Variants in LRP12 observed in about 807,000 individuals in gnomAD.
LRP12 encodes low-density lipoprotein receptor-related protein 12.
LRP12 carries 14 observed loss-of-function variants against 66.0 expected under a neutral mutation model. The observed-to-expected ratio is 0.21, with a 90% CI of 0.14 to 0.33. LRP12 has a LOEUF of 0.33. Among genes scored for constraint, LRP12 ranks in the 10% least tolerant of loss-of-function variants. The probability of loss-of-function intolerance (pLI) is 1.00; values close to 1 mark genes in which losing one functional copy is unlikely to be tolerated. For missense variants in LRP12, 889 were observed against 1,053.4 expected (o/e 0.84, Z 2.16); for synonymous variants, 357 against 359.1 (o/e 0.99, Z 0.07).
intron 1 of LRP12, among the ~76,000 whole-genome samples, chr8:104,564,444 T>C (rs1811962596): frequency 6.6e-6 from 1 of 152,084 alleles, no homozygotes; most frequent in Non-Finnish European, 1.5e-5. Flanking sequence ...GAATCGCGCA[T>C]TATGTACAAA....
chr8:104,571,994 T>G (rs922719999), intron 1 of LRP12, among the ~76,000 whole-genome samples: 2 of 152,234 alleles, frequency 1.3e-5, no homozygotes, highest in African/African-American at 4.8e-5. Context: ...AGAAGTTTTA[T>G]TTATAATAGC....
At chr8:104,523,003 A>G (rs940066674) in intron 2 of LRP12, among the ~76,000 whole-genome samples, 1 of 152,180 alleles carries the variant, frequency 6.6e-6, no homozygotes, top group African/African-American at 2.4e-5. Context: ...CAATCTGTCA[A>G]AAAGTTTCTA....
intron 2 of LRP12, among the ~76,000 whole-genome samples, chr8:104,523,915 TTAA>T (rs1014836313): frequency 6.6e-6 from 1 of 152,164 alleles, no homozygotes; most frequent in Non-Finnish European, 1.5e-5. Context: ...TATGATTTTC[TTAA>T]TAACATTTTC....
At chr8:104,496,817 C>T (rs992638919) in intron 5 of LRP12, among the ~76,000 whole-genome samples, 155 bp downstream of exon 5, 1 of 152,144 alleles carries the variant, frequency 6.6e-6, no homozygotes, top group African/African-American at 2.4e-5. Flanking sequence ...TTCTGAGTCT[C>T]GGGTTTTTCA....
chr8:104,547,567 A>C (rs906633880), intron 1 of LRP12, among the ~76,000 whole-genome samples: 4 of 124,474 alleles, frequency 3.2e-5, no homozygotes, highest in Non-Finnish European at 6.3e-5. Context: ...TTATATATTA[A>C]TAATTATTAT....
rs1266038251 is a variant in LRP12 at position 104,511,520 on chromosome 8, TTTTTTG to T, written c.137-2452_137-2447del. Among the ~76,000 whole-genome samples the T allele has an allele frequency of 4.6e-5, 7 of 152,272 alleles. No homozygotes were observed. The East Asian group carries it at 5.8e-4, about 13-fold the overall frequency. On this transcript the variant is annotated intron_variant, in intron 2 of 6. Transcript: ENST00000276654. ...AGCATGCCACCATGCATGGCAACTT[TTTTTTG>T]TTTTTGTTTTTGTTTTCCGTAACAG...
chr8:104,515,219 T>C (rs1811058576), intron 2 of LRP12, among the ~76,000 whole-genome samples: 1 of 152,232 alleles, frequency 6.6e-6, no homozygotes, highest in African/African-American at 2.4e-5. Flanking sequence ...AACTTGACCT[T>C]CTTTTGCTTA....
chr8:104,588,687 C>T (rs1588515574), intron 1 of LRP12, 132 bp downstream of exon 1: 1 of 650,848 alleles, frequency 1.5e-6, no homozygotes, highest in African/African-American at 1.9e-5. Context: ...TCCACCCCCT[C>T]ACCGGTCTTT....
chr8:104,511,350 T>G (rs1250033933), intron 2 of LRP12, among the ~76,000 whole-genome samples: 1 of 151,812 alleles, frequency 6.6e-6, no homozygotes, highest in Non-Finnish European at 1.5e-5. Flanking sequence ...CATTTTTTTT[T>G]TTTTAAGAGA....
At chr8:104,566,867 A>G (rs1225073571) in intron 1 of LRP12, among the ~76,000 whole-genome samples, 1 of 152,222 alleles carries the variant, frequency 6.6e-6, no homozygotes, top group Non-Finnish European at 1.5e-5. Flanking sequence ...ATTTTCAAAT[A>G]TAAAATAGCA....
At chr8:104,531,699 A>G (rs932733304) in intron 2 of LRP12, among the ~76,000 whole-genome samples, 4 of 152,120 alleles carry the variant, frequency 2.6e-5, no homozygotes, top group Admixed American at 1.3e-4. Context: ...GTCCGTTTGG[A>G]AAAGTATAAT....
At chr8:104,574,647 G>A (rs1239639758) in intron 1 of LRP12, among the ~76,000 whole-genome samples, 1 of 152,174 alleles carries the variant, frequency 6.6e-6, no homozygotes, top group African/African-American at 2.4e-5. Flanking sequence ...AATGTGGTTA[G>A]TTGAATTGAG....
At chr8:104,534,771 G>A (rs1811371232) in intron 1 of LRP12, among the ~76,000 whole-genome samples, 1 of 151,798 alleles carries the variant, frequency 6.6e-6, no homozygotes, top group Non-Finnish European at 1.5e-5. Flanking sequence ...TAATTTATGT[G>A]TACTACCATT....
intron 1 of LRP12, among the ~76,000 whole-genome samples, chr8:104,546,179 A>G (rs1432172005): frequency 6.6e-6 from 1 of 152,126 alleles, no homozygotes; most frequent in Non-Finnish European, 1.5e-5. Flanking sequence ...TATCAACTCT[A>G]TTTTATTAAC....
rs915513975 is a variant in LRP12, at chr8:104,495,012, C to T, written c.1713+65G>A. ...TGACAGTCAAGGGTCTTTGCTTTAT[C>T]ATATATACAGGCGCAGATTTCATTT... On this transcript the variant is annotated intron_variant, in intron 6 of 6. Transcript: ENST00000276654. The T allele has an allele frequency of 7.4e-6, 11 of 1,481,482 alleles. No homozygotes were observed. In the Admixed American group the frequency reaches 2.0e-4, roughly 27 times the overall value. 91.8% of individuals were successfully genotyped at this position (1,481,482 alleles called of 1,614,324 possible).
At chr8:104,531,665 T>C (rs981794764) in intron 2 of LRP12, among the ~76,000 whole-genome samples, 1 of 152,094 alleles carries the variant, frequency 6.6e-6, no homozygotes, top group African/African-American at 2.4e-5. Flanking sequence ...AGGTTCAATG[T>C]TTGTATGAAA....
chr8:104,495,665 G>C (rs933533138), intron 5 of LRP12: 1 of 153,114 alleles, frequency 6.5e-6, no homozygotes, highest in African/African-American at 2.4e-5. Flanking sequence ...GCTCACACCT[G>C]TAATCCCAGC....
Position 104,490,669 on chromosome 8 carries a change from G to A in LRP12, c.*4C>T, listed in dbSNP as rs372434626. On this transcript the variant is annotated 3_prime_UTR_variant, in exon 7 of 7. Coordinates refer to ENST00000276654, the MANE Select transcript of LRP12 (RefSeq NM_013437.5). ...GTATACAATCTCCCTTATGTGATTC[G>A]TACCTAACAAAGTAACAAAGCCTCA... 5.1e-5 allele frequency: 82 copies of A among 1,604,724 alleles called. No individual in the cohort carries two copies. The highest frequency in any genetic ancestry group is 6.7e-5 in the Non-Finnish European group (79 of 1,175,940).
chr8:104,509,774 G>A (rs1810965403), intron 2 of LRP12, among the ~76,000 whole-genome samples: 1 of 152,136 alleles, frequency 6.6e-6, no homozygotes, highest in Non-Finnish European at 1.5e-5. Flanking sequence ...AAATTATGAA[G>A]AAGGAAAAAG....
Sources: gnomAD v4.1 joint callset for allele counts (sites outside exome capture counted in the v4.1 genomes callset) on GRCh38, gnomAD v4.1.1 for gene constraint, MANE v1.5 for transcripts, NCBI Gene and HGNC (gene_info 2026-07-23, HGNC 2026-07-21) for gene names.